Variants in MALRD1 observed in about 807,000 individuals in gnomAD.
MALRD1 encodes the protein MAM and LDL-receptor class A domain-containing protein 1.
Under a neutral mutation model 242.1 loss-of-function variants are expected in MALRD1, and 247 were observed. The ratio of observed to expected loss-of-function variants is 1.02; its 90% CI spans 0.92 to 1.13. The LOEUF (loss-of-function observed/expected upper bound fraction) is 1.13, where lower values mean the gene tolerates loss of function less well. Among genes scored for constraint, MALRD1 ranks in the 50% most tolerant of loss-of-function variants. The pLI is 0.00. For missense variants in MALRD1, 2,989 were observed against 2,533.1 expected (o/e 1.18, Z -3.86); for synonymous variants, 995 against 866.6 (o/e 1.15, Z -2.60).
At chr10:19,342,250 T>C (rs780690714) in intron 24 of MALRD1, among the ~76,000 whole-genome samples, 30 of 152,132 alleles carry the variant, frequency 2.0e-4, no homozygotes, top group Non-Finnish European at 4.0e-4. Flanking sequence ...TTATCCTGGG[T>C]ACTGAAAACG....
At chr10:19,247,183 A>C (rs1377877444) in intron 18 of MALRD1, among the ~76,000 whole-genome samples, 1 of 152,124 alleles carries the variant, frequency 6.6e-6, no homozygotes, top group African/African-American at 2.4e-5. Flanking sequence ...TTAAATAGAA[A>C]AGCCAAAGGG....
intron 36 of MALRD1, among the ~76,000 whole-genome samples, chr10:19,637,366 G>T (rs1353283355): frequency 1.3e-5 from 2 of 152,152 alleles, no homozygotes; most frequent in African/African-American, 4.8e-5. Context: ...TATCAACAAT[G>T]ATTAAGGACA....
chr10:19,579,252 A>G (rs1319572755), intron 33 of MALRD1, among the ~76,000 whole-genome samples: 1 of 152,148 alleles, frequency 6.6e-6, no homozygotes, highest in African/African-American at 2.4e-5. Context: ...CAATTGTAGA[A>G]TAATATCTGA....
intron 24 of MALRD1, among the ~76,000 whole-genome samples, chr10:19,335,474 A>G (rs945870763): frequency 4.6e-5 from 7 of 152,132 alleles, no homozygotes; most frequent in Non-Finnish European, 8.8e-5. Flanking sequence ...GGAATCTGCC[A>G]TATGAATTAT....
At chr10:19,443,770 T>A (rs932705203) in intron 28 of MALRD1, among the ~76,000 whole-genome samples, 1 of 152,244 alleles carries the variant, frequency 6.6e-6, no homozygotes, top group African/African-American at 2.4e-5. Flanking sequence ...ATAAGTGTGA[T>A]GTGGTGCTGA....
chr10:19,541,384 T>G (rs1834961067), intron 32 of MALRD1, among the ~76,000 whole-genome samples: 2 of 152,170 alleles, frequency 1.3e-5, no homozygotes, highest in Non-Finnish European at 1.5e-5. Context: ...AAACCTAGAT[T>G]ATACCTTAAA....
intron 32 of MALRD1, among the ~76,000 whole-genome samples, chr10:19,533,936 A>T (rs1245433571): frequency 6.6e-6 from 1 of 152,228 alleles, no homozygotes; most frequent in Non-Finnish European, 1.5e-5. Context: ...ATGCAGAGGA[A>T]GAGAGGTATT....
Position 19,497,210 on chromosome 10 carries a change from G to T in MALRD1, c.5159-1275G>T, listed in dbSNP as rs183881424. ...ATGATGACTGTCTTTTATGTCCATT[G>T]CAAGATTCTGAATTTTTACAGATGT... On this transcript the variant is annotated intron_variant, in intron 30 of 39. Coordinates refer to ENST00000454679, the MANE Select transcript of MALRD1 (RefSeq NM_001142308.3). Among the ~76,000 whole-genome samples, 16 of 152,000 alleles carry T rather than the reference G, an allele frequency of 1.1e-4. No individual in the cohort carries two copies. In the East Asian group the frequency reaches 2.9e-3, roughly 28 times the overall value.
chr10:19,193,511 T>C (rs1255889215), intron 14 of MALRD1, among the ~76,000 whole-genome samples: 1 of 152,156 alleles, frequency 6.6e-6, no homozygotes, highest in Admixed American at 6.6e-5. Context: ...GCCGTGATCA[T>C]GCCACTGCAT....
intron 5 of MALRD1, among the ~76,000 whole-genome samples, chr10:19,119,638 G>A (rs1423066130): frequency 6.6e-6 from 1 of 152,196 alleles, no homozygotes; most frequent in Non-Finnish European, 1.5e-5. Context: ...TGTGAAATAT[G>A]TCAAGCACTG....
At chr10:19,076,334 T>A (rs1835317717) in intron 2 of MALRD1, among the ~76,000 whole-genome samples, 1 of 151,982 alleles carries the variant, frequency 6.6e-6, no homozygotes. Context: ...TATTTATTTA[T>A]TTACTTCTTC....
At chr10:19,513,489 C>T (rs1453578434) in intron 31 of MALRD1, among the ~76,000 whole-genome samples, 1 of 150,144 alleles carries the variant, frequency 6.7e-6, no homozygotes, top group East Asian at 2.0e-4. Flanking sequence ...CCTGTAATCT[C>T]AGCACTTTGG....
chr10:19,684,145 C>T (rs899603957), intron 36 of MALRD1, among the ~76,000 whole-genome samples: 3 of 152,146 alleles, frequency 2.0e-5, no homozygotes, highest in Non-Finnish European at 4.4e-5. Flanking sequence ...CATATTTTAA[C>T]TTTAGTGAAG....
At chr10:19,727,056 A>G (rs984740870) in intron 38 of MALRD1, among the ~76,000 whole-genome samples, 2 of 152,226 alleles carry the variant, frequency 1.3e-5, no homozygotes, top group African/African-American at 2.4e-5. Flanking sequence ...ATGGCATTGA[A>G]TTGTATACTT....
intron 34 of MALRD1, among the ~76,000 whole-genome samples, chr10:19,601,176 T>G (rs906959409): frequency 2.0e-5 from 3 of 152,090 alleles, no homozygotes; most frequent in Non-Finnish European, 1.5e-5. Flanking sequence ...GCCACTGTGC[T>G]CAGCCAAATA....
intron 36 of MALRD1, among the ~76,000 whole-genome samples, chr10:19,637,298 AC>A (rs1332770626): frequency 6.6e-6 from 1 of 152,200 alleles, no homozygotes; most frequent in African/African-American, 2.4e-5. Context: ...AAACAAACAA[AC>A]AAAAAAAGAG....
At chr10:19,718,714 C>A (rs1212493442) in intron 38 of MALRD1, among the ~76,000 whole-genome samples, 5 of 152,200 alleles carry the variant, frequency 3.3e-5, no homozygotes, top group African/African-American at 1.2e-4. Context: ...CAAGTACATG[C>A]ATCGTCATTT....
intron 36 of MALRD1, among the ~76,000 whole-genome samples, chr10:19,684,856 G>A (rs1842514081): frequency 6.6e-6 from 1 of 152,124 alleles, no homozygotes; most frequent in Admixed American, 6.6e-5. Flanking sequence ...CAAACATACT[G>A]CTTCTGAAGG....
At chr10:19,066,195 T>C (rs973474324) in intron 1 of MALRD1, among the ~76,000 whole-genome samples, 1 of 152,198 alleles carries the variant, frequency 6.6e-6, no homozygotes, top group East Asian at 1.9e-4. Context: ...CTTTAGGCAA[T>C]AACAAGAAAA....
Sources: gnomAD v4.1 joint callset for allele counts (sites outside exome capture counted in the v4.1 genomes callset) on GRCh38, gnomAD v4.1.1 for gene constraint, MANE v1.5 for transcripts, NCBI Gene and HGNC (gene_info 2026-07-23, HGNC 2026-07-21) for gene names.